The following MYMX variants were observed in gnomAD, a reference collection of about 807,000 sequenced individuals.
MYMX encodes protein myomixer.
the MYMX span, among the ~76,000 whole-genome samples, chr6:44,194,007 A>G: frequency 6.6e-6 from 1 of 152,050 alleles, no homozygotes; most frequent in South Asian, 2.1e-4. Flanking sequence ...AGTAATTTCC[A>G]TAGGTAGAGT....
At chr6:44,193,664 C>G in the MYMX span, among the ~76,000 whole-genome samples, 2 of 152,330 alleles carry the variant, frequency 1.3e-5, no homozygotes, top group African/African-American at 4.8e-5. Flanking sequence ...CACAGCCGCT[C>G]TCTTCTAGCA....
the MYMX span, among the ~76,000 whole-genome samples, chr6:44,211,823 T>TGTGTGTGTGTGTGTG: frequency 4.0e-4 from 60 of 150,632 alleles, no homozygotes; most frequent in Admixed American, 5.3e-4. Context: ...TGTGTGTGTG[T>TGTGTGTGTGTGTGTG]TTAGTAGAGA....
At position 44,217,883 on chromosome 6, in the gene MYMX, C is replaced by T. The variant is rs2128332527; in HGVS notation, c.*157C>T. On this transcript the variant is annotated 3_prime_UTR_variant, in exon 2 of 2. Coordinates refer to ENST00000573382, the MANE Select transcript of MYMX (RefSeq NM_001315494.2). ...TGCCACAGACATGCCTCTCCACTCC[C>T]AACAGAAATGTCTTTCTGGAAGAAT... The T allele has an allele frequency of 2.5e-6, 1 of 398,722 alleles. No individual in the cohort carries two copies. Among genetic ancestry groups the T allele is most frequent in the Admixed American group, 4.4e-5 (1 of 22,726 alleles). The allele number at this position is 398,722 out of a possible 1,614,324, so 24.7% of individuals were successfully genotyped here.
chr6:44,201,401 C>T, the MYMX span, among the ~76,000 whole-genome samples: 1 of 152,090 alleles, frequency 6.6e-6, no homozygotes, highest in Admixed American at 6.5e-5. Flanking sequence ...CTTGACACAC[C>T]CTGCCCTTGA....
At chr6:44,213,371 A>G (rs1055947459), upstream of MYMX, among the ~76,000 whole-genome samples, 13 of 151,202 alleles carry the variant, frequency 8.6e-5, no homozygotes, top group African/African-American at 3.2e-4. Flanking sequence ...GGGCAACAAA[A>G]AAAAGAAAAG....
chr6:44,216,834 T>C (rs1775896530), upstream of MYMX: 1 of 152,452 alleles, frequency 6.6e-6, no homozygotes, highest in African/African-American at 2.4e-5. Context: ...TGTTTCTTCA[T>C]TGTTCCCCAA....
upstream of MYMX, among the ~76,000 whole-genome samples, chr6:44,216,138 C>T (rs1352382110): frequency 6.6e-6 from 1 of 152,188 alleles, no homozygotes; most frequent in Non-Finnish European, 1.5e-5. Context: ...CCCACAGGGG[C>T]CTGCTTGGGT....
chr6:44,196,374 T>C, the MYMX span, among the ~76,000 whole-genome samples: 1 of 152,214 alleles, frequency 6.6e-6, no homozygotes, highest in South Asian at 2.1e-4. Flanking sequence ...TCTGAAATCA[T>C]TGTGTTATAA....
chr6:44,206,609 A>AT, the MYMX span, among the ~76,000 whole-genome samples: 2 of 151,622 alleles, frequency 1.3e-5, no homozygotes, highest in Non-Finnish European at 2.9e-5. Flanking sequence ...GGGTTTGGGG[A>AT]TTTTTCTTTT....
upstream of MYMX, among the ~76,000 whole-genome samples, chr6:44,216,364 T>C (rs10456530): frequency 1.6e-4 from 24 of 152,128 alleles, no homozygotes; most frequent in Non-Finnish European, 2.6e-4. Flanking sequence ...GAAAGTGCAG[T>C]CTGGGCTGGG....
chr6:44,213,429 CT>C (rs953298637), upstream of MYMX, among the ~76,000 whole-genome samples: 30 of 147,262 alleles, frequency 2.0e-4, no homozygotes, highest in Middle Eastern at 3.4e-3. Flanking sequence ...TTTTCTTTAC[CT>C]TTTTTTTTTC....
the MYMX span, among the ~76,000 whole-genome samples, chr6:44,202,635 A>C: frequency 2.0e-5 from 3 of 152,100 alleles, no homozygotes; most frequent in Non-Finnish European, 4.4e-5. Flanking sequence ...GAGGAAATCC[A>C]CAGCAGCTTT....
Position 44,217,440 on chromosome 6 carries a change from G to A in MYMX, c.-22-10G>A. ...GACATGCAAGCCTAAAGTCTGTGTT[G>A]TCTTCCCAGGCACTGACTCACTGGC... On this transcript the variant is annotated splice_polypyrimidine_tract_variant and intron_variant, in intron 1 of 1. Transcript: ENST00000573382. 5.0e-6 allele frequency: 2 copies of A among 399,940 alleles called. No homozygotes were observed. The highest frequency in any genetic ancestry group is 8.8e-6 in the Non-Finnish European group (2 of 226,524). 24.8% of individuals were successfully genotyped at this position (399,940 alleles called of 1,614,324 possible). A position where few individuals can be genotyped will look rare whatever the true frequency, so the allele number is the denominator to read the frequency against.
chr6:44,196,203 C>T, the MYMX span, among the ~76,000 whole-genome samples: 2 of 152,140 alleles, frequency 1.3e-5, no homozygotes. Flanking sequence ...GGATTATAGG[C>T]GAGAGCCATC....
At chr6:44,212,181 G>A (rs1201892283), upstream of MYMX, among the ~76,000 whole-genome samples, 1 of 151,878 alleles carries the variant, frequency 6.6e-6, no homozygotes, top group Non-Finnish European at 1.5e-5. Flanking sequence ...TGAGGCGGGA[G>A]GGTCACTTGA....
the MYMX span, among the ~76,000 whole-genome samples, chr6:44,199,732 G>A: frequency 4.7e-5 from 7 of 150,308 alleles, no homozygotes; most frequent in Non-Finnish European, 1.0e-4. Context: ...CACCCAGGCT[G>A]GAGTCCAGTG....
At chr6:44,210,255 C>G in the MYMX span, among the ~76,000 whole-genome samples, 1 of 149,454 alleles carries the variant, frequency 6.7e-6, no homozygotes, top group Non-Finnish European at 1.5e-5. Flanking sequence ...AATATATATA[C>G]CTTTTAACAG....
At chr6:44,212,726 C>G (rs1775656882), upstream of MYMX, among the ~76,000 whole-genome samples, 1 of 151,858 alleles carries the variant, frequency 6.6e-6, no homozygotes, top group Admixed American at 6.6e-5. Flanking sequence ...AAAAAATACA[C>G]TTATGCAAAG....
the MYMX span, among the ~76,000 whole-genome samples, chr6:44,206,742 G>T: frequency 6.6e-6 from 1 of 151,868 alleles, no homozygotes; most frequent in African/African-American, 2.4e-5. Flanking sequence ...TGGAATGAGG[G>T]TCTCCTTTTG....
Sources: allele counts gnomAD v4.1 joint callset (sites outside exome capture counted in the v4.1 genomes callset), GRCh38; gene constraint gnomAD v4.1.1; transcripts MANE v1.5; gene names NCBI Gene and HGNC (gene_info 2026-07-23, HGNC 2026-07-21).